FHIP1A: variants seen among roughly 807,000 people sequenced by gnomAD.
FHIP1A encodes the protein FHF complex subunit HOOK-interacting protein 1A.
In FHIP1A, 61 loss-of-function variants were observed where a neutral mutation model predicts 88.6. The observed-to-expected ratio is 0.69, with a 90% CI of 0.56 to 0.85. The LOEUF (loss-of-function observed/expected upper bound fraction) is 0.85. Among genes scored for constraint, FHIP1A ranks in the 40% least tolerant of loss-of-function variants. The probability of loss-of-function intolerance (pLI) is 0.00; values close to 1 mark genes in which losing one functional copy is unlikely to be tolerated. For synonymous variants in FHIP1A, 478 were observed against 496.0 expected (o/e 0.96, Z 0.48); for missense variants, 1,154 against 1,273.5 (o/e 0.91, Z 1.43).
intron 7 of FHIP1A, among the ~76,000 whole-genome samples, chr4:151,589,413 T>G (rs11099823): frequency 0.32 from 48,484 of 152,088 alleles, 7,750 homozygotes; most frequent in Non-Finnish European, 0.33. Context: ...TCCCATCAAA[T>G]GTTGGCTGTC....
At position 151,656,156 on chromosome 4, in the gene FHIP1A, C is replaced by T. The variant is rs1003722108; in HGVS notation, c.2552-76C>T. On this transcript the variant is annotated intron_variant, in intron 11 of 13. Transcript: ENST00000435205. This position sits in a 1 kb window ranked among gnomAD's most constrained non-coding sequence, Gnocchi z 4.2. ...CATGGTGGTTTGGGAGATGTGGCAC[C>T]GATGGTTCTGCAATTGTCAGGGAAA... is the stretch of plus-strand genomic sequence containing the variant. 3.0e-5 allele frequency: 37 copies of T among 1,216,706 alleles called. No homozygotes were observed. Among genetic ancestry groups the T allele is most frequent in the Non-Finnish European group, 3.7e-5 (32 of 859,246 alleles). 75.4% of individuals were successfully genotyped at this position (1,216,706 alleles called of 1,614,324 possible).
At chr4:151,583,520 A>G (rs1047671261) in intron 5 of FHIP1A, among the ~76,000 whole-genome samples, 2 of 152,168 alleles carry the variant, frequency 1.3e-5, no homozygotes, top group African/African-American at 2.4e-5. Flanking sequence ...GTTATTTTTA[A>G]TTACTGTCAC....
At chr4:151,427,314 C>T (rs539216523) in intron 1 of FHIP1A, among the ~76,000 whole-genome samples, 2 of 152,054 alleles carry the variant, frequency 1.3e-5, no homozygotes, top group Non-Finnish European at 2.9e-5. Flanking sequence ...TTGTTTCTTT[C>T]CAAATCAAAA....
chr4:151,547,416 T>TC (rs1370850985), intron 3 of FHIP1A, among the ~76,000 whole-genome samples: 74 of 152,170 alleles, frequency 4.9e-4, no homozygotes, highest in African/African-American at 1.5e-3. Flanking sequence ...ACTCTTTTTT[T>TC]CCCCCAAAAA....
chr4:151,501,558 A>T (rs1730648563), intron 3 of FHIP1A, among the ~76,000 whole-genome samples: 2 of 145,574 alleles, frequency 1.4e-5, no homozygotes, highest in African/African-American at 5.1e-5. Context: ...AATCAAAGAA[A>T]TTTTTTTGTT....
At chr4:151,536,777 C>T (rs1029688345) in intron 3 of FHIP1A, among the ~76,000 whole-genome samples, 7 of 152,114 alleles carry the variant, frequency 4.6e-5, no homozygotes, top group Non-Finnish European at 5.9e-5. Context: ...CATTTGTATA[C>T]GGGTTTTTGT....
At chr4:151,452,004 A>G (rs1385476652) in intron 1 of FHIP1A, among the ~76,000 whole-genome samples, 1 of 151,960 alleles carries the variant, frequency 6.6e-6, no homozygotes. Flanking sequence ...ATTTTTTTGT[A>G]GGGATATGGT....
intron 8 of FHIP1A, among the ~76,000 whole-genome samples, chr4:151,633,021 A>G (rs996689609): frequency 6.6e-6 from 1 of 151,964 alleles, no homozygotes; most frequent in Non-Finnish European, 1.5e-5. Context: ...AATGAAACCA[A>G]GACTTGGTTT....
At chr4:151,431,031 A>AT (rs58793653) in intron 1 of FHIP1A, among the ~76,000 whole-genome samples, 17,061 of 152,160 alleles carry the variant, frequency 0.11, 1,001 homozygotes, top group African/African-American at 0.13. Flanking sequence ...ATGCAAATAC[A>AT]TTTTTTTGTG....
intron 3 of FHIP1A, among the ~76,000 whole-genome samples, chr4:151,555,007 A>G (rs982747117): frequency 2.0e-5 from 3 of 152,096 alleles, no homozygotes; most frequent in Admixed American, 1.3e-4. Flanking sequence ...ATTATTTTTT[A>G]ATCACTTTTT....
At chr4:151,467,986 TA>T (rs34475856) in intron 2 of FHIP1A, among the ~76,000 whole-genome samples, 68,262 of 133,314 alleles carry the variant, frequency 0.51, 16,527 homozygotes, top group Non-Finnish European at 0.56. Flanking sequence ...TCCCGGAACT[TA>T]AAAAAAAAAA....
chr4:151,506,102 G>T (rs1168325653), intron 3 of FHIP1A, among the ~76,000 whole-genome samples: 2 of 151,938 alleles, frequency 1.3e-5, no homozygotes, highest in Non-Finnish European at 2.9e-5. Flanking sequence ...TTTCATTTTT[G>T]TAGAGGTGGG....
At position 151,409,246 on chromosome 4, in the gene FHIP1A, A is replaced by G. The variant is rs1358398136; in HGVS notation, c.-575A>G. The G allele has an allele frequency of 2.6e-5, 4 of 151,778 alleles. No individual in the cohort carries two copies. Among genetic ancestry groups the G allele is most frequent in the Non-Finnish European group, 4.4e-5 (3 of 67,962 alleles). The allele number at this position is 151,778 out of a possible 1,614,324, so 9.4% of individuals were successfully genotyped here. Reference sequence around the variant, plus strand: ...TTGCGCTCCGACCTTCTCACGACCTACATTCTTCCCGGGCACTCCTGAGTT... The same window carrying G: ...TTGCGCTCCGACCTTCTCACGACCTGCATTCTTCCCGGGCACTCCTGAGTT... On this transcript the variant is annotated 5_prime_UTR_variant, in exon 1 of 14. Coordinates refer to ENST00000435205, the MANE Select transcript of FHIP1A (RefSeq NM_001109977.3).
intron 4 of FHIP1A, among the ~76,000 whole-genome samples, chr4:151,570,603 C>A (rs1199663076): frequency 6.6e-6 from 1 of 152,142 alleles, no homozygotes; most frequent in African/African-American, 2.4e-5. Flanking sequence ...AGAGATGTGC[C>A]ACTGCGTGTA....
At chr4:151,591,560 C>T (rs555081199) in intron 7 of FHIP1A, among the ~76,000 whole-genome samples, 57 of 152,106 alleles carry the variant, frequency 3.7e-4, no homozygotes, top group Non-Finnish European at 6.3e-4. Context: ...CCCATCAACT[C>T]GTCATCTACA....
intron 1 of FHIP1A, among the ~76,000 whole-genome samples, chr4:151,425,198 G>A (rs1733315714): frequency 6.6e-6 from 1 of 152,152 alleles, no homozygotes; most frequent in South Asian, 2.1e-4. Flanking sequence ...CAATCCTTTA[G>A]ATCTCACTAC....
intron 1 of FHIP1A, among the ~76,000 whole-genome samples, chr4:151,426,676 C>T (rs904875043): frequency 6.6e-6 from 1 of 152,074 alleles, no homozygotes; most frequent in Admixed American, 6.6e-5. Flanking sequence ...AGGGAGGTCC[C>T]CATCTTTCAG....
intron 7 of FHIP1A, among the ~76,000 whole-genome samples, chr4:151,619,433 C>T (rs1015313854): frequency 1.3e-5 from 2 of 152,072 alleles, no homozygotes; most frequent in Non-Finnish European, 2.9e-5. Flanking sequence ...TTTGGTAGGT[C>T]ACAATTTAAA....
chr4:151,463,555 A>C (rs747851815), intron 2 of FHIP1A, among the ~76,000 whole-genome samples: 2 of 152,202 alleles, frequency 1.3e-5, no homozygotes, highest in African/African-American at 2.4e-5. Flanking sequence ...GGGTGACATA[A>C]ATTAAAGCTA....
Sources: allele counts gnomAD v4.1 joint callset (sites outside exome capture counted in the v4.1 genomes callset), GRCh38; gene constraint gnomAD v4.1.1; non-coding constraint Gnocchi (gnomAD v3.1); transcripts MANE v1.5; gene names NCBI Gene and HGNC (gene_info 2026-07-23, HGNC 2026-07-21).